SHC2: variants seen among roughly 807,000 people sequenced by gnomAD.
SHC2 encodes the protein SHC-transforming protein 2.
In SHC2, 62 loss-of-function variants were observed where a neutral mutation model predicts 60.6. The observed-to-expected ratio is 1.02, with a 90% CI of 0.83 to 1.26. The LOEUF (loss-of-function observed/expected upper bound fraction) is 1.26. SHC2 is among the 50% of genes most tolerant of loss of function. The probability of loss-of-function intolerance (pLI) is 0.00; values close to 1 mark genes in which losing one functional copy is unlikely to be tolerated. For missense variants in SHC2, 873 were observed against 822.2 expected, an observed-to-expected ratio of 1.06 and a Z score of -0.76; for synonymous variants, 375 against 372.4, an observed-to-expected ratio of 1.01 and a Z score of -0.08.
intron 9 of SHC2, among the ~76,000 whole-genome samples, chr19:430,090 C>T (rs1291195728): frequency 6.9e-6 from 1 of 144,418 alleles, no homozygotes; most frequent in Admixed American, 7.0e-5. Flanking sequence ...TATATCCCAA[C>T]GTGCACGGAA....
At chr19:437,931 C>T (rs1222102686) in intron 4 of SHC2, among the ~76,000 whole-genome samples, 1 of 152,192 alleles carries the variant, frequency 6.6e-6, no homozygotes, top group Non-Finnish European at 1.5e-5. Context: ...CCTCACCTGG[C>T]CTCACAATGC....
rs1347068412 is a variant in SHC2 at position 439,509 on chromosome 19, C to T, written c.540-479G>A. On this transcript the variant is annotated intron_variant, in intron 2 of 12. Transcript: ENST00000264554. ...GGCAGGAGCTGACCCCAAACAAGAGCGCCTCAGACCACTGGTCCCCAGGAG... is the reference window on the plus strand; with the variant it reads ...GGCAGGAGCTGACCCCAAACAAGAGTGCCTCAGACCACTGGTCCCCAGGAG... 6 of 180,066 alleles carry T rather than the reference C, an allele frequency of 3.3e-5. No individual in the cohort carries two copies. The South Asian group carries it at 4.4e-4, about 13-fold the overall frequency. The allele number at this position is 180,066 out of a possible 1,614,324, so 11.2% of individuals were successfully genotyped here.
At chr19:439,125 G>T in intron 2 of SHC2, 95 bp from the exon 3 acceptor site, 1 of 412,214 alleles carries the variant, frequency 2.4e-6, no homozygotes. Context: ...GGTCTGGGGA[G>T]GGGGCAGGAG....
chr19:451,827 C>T (rs1287097916), intron 1 of SHC2, among the ~76,000 whole-genome samples: 1 of 152,170 alleles, frequency 6.6e-6, no homozygotes, highest in Non-Finnish European at 1.5e-5. Context: ...GAACTCCTGA[C>T]CTCAGGTGAT....
chr19:455,743 T>C (rs762377524), intron 1 of SHC2, among the ~76,000 whole-genome samples: 7 of 152,184 alleles, frequency 4.6e-5, no homozygotes, highest in Admixed American at 3.3e-4. Context: ...CTGCTCCGCC[T>C]TTCCCAGCGT....
chr19:419,211 G>C, intron 11 of SHC2, 155 bp from the exon 12 acceptor site: 1 of 886,850 alleles, frequency 1.1e-6, no homozygotes, highest in East Asian at 2.9e-5. Context: ...CCAAAGGATC[G>C]GCCTCAGAAT....
chr19:419,177 G>C, intron 11 of SHC2, 121 bp from the exon 12 acceptor site: 1 of 1,154,928 alleles, frequency 8.7e-7, no homozygotes, highest in Non-Finnish European at 1.2e-6. Flanking sequence ...CGAGGGGCCG[G>C]ACCAGGGAAT....
intron 1 of SHC2, among the ~76,000 whole-genome samples, chr19:450,367 TAG>T (rs1297399999): frequency 3.9e-5 from 6 of 152,210 alleles, no homozygotes; most frequent in African/African-American, 1.4e-4. Flanking sequence ...ACATAAAATT[TAG>T]AGTTTTGACT....
rs1367978253 is a variant in SHC2, at chr19:427,022, C to T, written c.1175-1791G>A. Among the ~76,000 whole-genome samples, 4 of 152,028 alleles carry T rather than the reference C, an allele frequency of 2.6e-5. No individual in the cohort carries two copies. The East Asian group carries it at 5.8e-4, about 22-fold the overall frequency. ...CGGGTGTGGGCACAGGGGCAGGGAA[C>T]GCTGGCGAGCCCCCGGTCCGGGGTG... is the stretch of plus-strand genomic sequence containing the variant. On this transcript the variant is annotated intron_variant, in intron 9 of 12. Transcript: ENST00000264554.
intron 9 of SHC2, among the ~76,000 whole-genome samples, chr19:426,010 C>G (rs935056722): frequency 1.4e-5 from 2 of 139,262 alleles, no homozygotes; most frequent in Non-Finnish European, 3.0e-5. Flanking sequence ...GCCTGGGCAA[C>G]AGAATGAGAC....
intron 1 of SHC2, among the ~76,000 whole-genome samples, chr19:459,382 GCCAGCGTAGGGGGAAGGACCCCACTGAAC>G (rs1568301611): frequency 2.0e-3 from 41 of 20,458 alleles, no homozygotes; most frequent in South Asian, 3.1e-3. Flanking sequence ...CCCCACTGAA[GCCAGCGTAGGGGGAAGGACCCCACTGAAC>G]CCAGCGTAGG....
In SHC2 at chr19:434,854, G is replaced by C; in HGVS notation, c.965C>G (p.Pro322Arg). 6 of 1,610,546 alleles carry C rather than the reference G, an allele frequency of 3.7e-6. No homozygotes were observed. Among genetic ancestry groups the C allele is most frequent in the Non-Finnish European group, 5.1e-6 (6 of 1,179,582 alleles). ...VALPPERLAG[P>R]EESAWGDEED... ...CTCGTCCCCCCAGGCCGACTCCTCCGGCCCTGCCAGCCTGGGGGACAGACA... is the reference window on the plus strand; with the variant it reads ...CTCGTCCCCCCAGGCCGACTCCTCCCGCCCTGCCAGCCTGGGGGACAGACA... The change falls in exon 8 of 13, where the codon CCG becomes CGG. Residue 322 changes from proline (P) to arginine (R), a missense_variant. Transcript: ENST00000264554.
chr19:452,816 G>GC (rs1372534644), intron 1 of SHC2, among the ~76,000 whole-genome samples: 4 of 152,176 alleles, frequency 2.6e-5, no homozygotes, highest in Non-Finnish European at 4.4e-5. Context: ...AGCTCTCCAA[G>GC]CCCCCCAGAG....
chr19:424,933 TG>T lies in SHC2; in HGVS notation c.1309+163del, dbSNP rs146850206. 9.0e-4 allele frequency among the ~76,000 whole-genome samples: 137 copies of T among 152,222 alleles called. No individual in the cohort carries two copies. The highest frequency in any genetic ancestry group is 3.2e-3 in the African/African-American group (135 of 41,558). Reference sequence around the variant, plus strand: ...ACAAGGCCTCCGACAGGAGACAGACTGGGCTTCCCCGTCCCACCCGTCGACT... The same window carrying T: ...ACAAGGCCTCCGACAGGAGACAGACTGGCTTCCCCGTCCCACCCGTCGACT... On this transcript the variant is annotated intron_variant, in intron 10 of 12. Coordinates refer to ENST00000264554, the MANE Select transcript of SHC2 (RefSeq NM_012435.3). The surrounding 1 kb of genome is among the most constrained non-coding windows in gnomAD (Gnocchi z 4.5).
chr19:456,716 A>G, intron 1 of SHC2, among the ~76,000 whole-genome samples: 1 of 150,974 alleles, frequency 6.6e-6, no homozygotes, highest in East Asian at 2.0e-4. Flanking sequence ...CCCCCCTAGA[A>G]CTCTGTCTGC....
rs1382900765 is a variant in SHC2 at position 436,310 on chromosome 19, T to G, written c.827-19A>C. ...TGGCAGGCTGCGGGCACGTTGGTCA[T>G]GCAGCCTCCGAGCCACACGGCCGTG... On this transcript the variant is annotated intron_variant, in intron 6 of 12. Coordinates refer to ENST00000264554, the MANE Select transcript of SHC2 (RefSeq NM_012435.3). 6.3e-7 allele frequency: 1 copy of G among 1,585,918 alleles called. No individual in the cohort carries two copies. The highest frequency in any genetic ancestry group is 8.6e-7 in the Non-Finnish European group (1 of 1,167,210).
chr19:456,320 G>T (rs1471941926), intron 1 of SHC2, among the ~76,000 whole-genome samples: 2 of 119,864 alleles, frequency 1.7e-5, no homozygotes, highest in Admixed American at 1.8e-4. Flanking sequence ...AGCGCTGGGG[G>T]CTGAGGCCGG....
chr19:424,036 G>A lies in SHC2; in HGVS notation c.1309+1061C>T, dbSNP rs1974347204. 6.6e-6 allele frequency among the ~76,000 whole-genome samples: 1 copy of A among 152,208 alleles called. No individual in the cohort carries two copies. Among genetic ancestry groups the A allele is most frequent in the Non-Finnish European group, 1.5e-5 (1 of 68,040 alleles). The stretch of plus-strand genomic sequence containing the variant: ...GGTGTCATTATTGTGAAGCTGAGGA[G>A]AAGCTGCTTTGTCAGGTGGTGGAGG... On this transcript the variant is annotated intron_variant, in intron 10 of 12. Transcript: ENST00000264554. The surrounding 1 kb of genome is among the most constrained non-coding windows in gnomAD (Gnocchi z 4.5).
chr19:442,959 ACGGG>A (rs1974938964), intron 1 of SHC2, among the ~76,000 whole-genome samples: 1 of 92,264 alleles, frequency 1.1e-5, no homozygotes, highest in Non-Finnish European at 2.1e-5. Context: ...GGATGGATGG[ACGGG>A]TGGGTGGATG....
Sources: allele counts gnomAD v4.1 joint callset (sites outside exome capture counted in the v4.1 genomes callset), GRCh38; gene constraint gnomAD v4.1.1; non-coding constraint Gnocchi (gnomAD v3.1); transcripts MANE v1.5; gene names NCBI Gene and HGNC (gene_info 2026-07-23, HGNC 2026-07-21).